The following L3MBTL4 variants were observed in gnomAD, a reference collection of about 807,000 sequenced individuals.
L3MBTL4 encodes lethal(3)malignant brain tumor-like protein 4.
A neutral mutation model predicts 84.5 loss-of-function variants in L3MBTL4; 70 were observed. That is an observed-to-expected ratio of 0.83 (90% CI 0.68 to 1.01). The LOEUF (loss-of-function observed/expected upper bound fraction) is 1.01, where lower values mean the gene tolerates loss of function less well. Ranked by LOEUF, L3MBTL4 falls within the 50% of genes least tolerant of loss-of-function variation. The pLI is 0.00. For missense variants in L3MBTL4, 715 were observed against 754.8 expected (o/e 0.95, Z 0.62); for synonymous variants, 274 against 259.8 (o/e 1.05, Z -0.52).
intron 1 of L3MBTL4, among the ~76,000 whole-genome samples, chr18:6,338,393 GTTATAC>G (rs1379402878): frequency 6.6e-6 from 1 of 152,000 alleles, no homozygotes; most frequent in Non-Finnish European, 1.5e-5. Context: ...TGGGTCCTGA[GTTATAC>G]TTATGTCTAG....
chr18:6,083,828 A>C (rs1400777823), intron 15 of L3MBTL4, among the ~76,000 whole-genome samples: 1 of 152,188 alleles, frequency 6.6e-6, no homozygotes, highest in Admixed American at 6.5e-5. Flanking sequence ...TATGACCTAA[A>C]GGCAAAAGCT....
At chr18:6,113,555 T>C (rs543252674) in intron 14 of L3MBTL4, among the ~76,000 whole-genome samples, 20 of 151,024 alleles carry the variant, frequency 1.3e-4, no homozygotes, top group Admixed American at 9.2e-4. Flanking sequence ...AAAGATTACA[T>C]AGAATGATGT....
rs2095226199 is a variant in L3MBTL4 at position 5,956,258 on chromosome 18, C to T, written c.1807G>A (p.Glu603Lys). Residue 603 changes from glutamate (E) to lysine (K), a missense_variant, in exon 19 of 19, where the codon GAA becomes AAA. By Grantham distance (56) the Glu-to-Lys change is moderately conservative. Coordinates refer to ENST00000317931, the MANE Select transcript of L3MBTL4 (RefSeq NM_001330559.2). ...LMFRHSQELP[E>K]EDIASGQEVR... is the part of the protein sequence containing the mutation. ...TCTTGGCCTGAGGCAATATCTTCTTCAGGGAGTTCCTGGGAATGCCTGAAC... is the reference window on the plus strand; with the variant it reads ...TCTTGGCCTGAGGCAATATCTTCTTTAGGGAGTTCCTGGGAATGCCTGAAC... 1.2e-6 allele frequency: 2 copies of T among 1,614,012 alleles called. No individual in the cohort carries two copies. The highest frequency in any genetic ancestry group is 1.7e-5 in the Admixed American group (1 of 60,002).
intron 12 of L3MBTL4, among the ~76,000 whole-genome samples, chr18:6,178,563 T>A (rs1350466853): frequency 6.6e-6 from 1 of 152,218 alleles, no homozygotes; most frequent in Non-Finnish European, 1.5e-5. Context: ...TTCACATATC[T>A]GGGTTTGCAT....
intron 16 of L3MBTL4, among the ~76,000 whole-genome samples, chr18:6,044,605 C>T (rs1266974411): frequency 1.3e-5 from 2 of 151,970 alleles, no homozygotes; most frequent in Admixed American, 6.6e-5. Context: ...ACTCTCTGCA[C>T]TGCAGTTTCT....
At chr18:6,033,556 A>G in intron 16 of L3MBTL4, among the ~76,000 whole-genome samples, 1 of 152,308 alleles carries the variant, frequency 6.6e-6, no homozygotes, top group African/African-American at 2.4e-5. Flanking sequence ...TATTACATGT[A>G]ATTACGATTA....
intron 17 of L3MBTL4, among the ~76,000 whole-genome samples, chr18:5,968,031 G>A (rs371270301): frequency 7.2e-5 from 11 of 152,370 alleles, no homozygotes; most frequent in African/African-American, 2.4e-4. Flanking sequence ...AGGGGGCCAT[G>A]AGCCCAGTGA....
intron 12 of L3MBTL4, among the ~76,000 whole-genome samples, chr18:6,180,526 T>G (rs563503876): frequency 6.6e-6 from 1 of 152,202 alleles, no homozygotes; most frequent in Non-Finnish European, 1.5e-5. Flanking sequence ...TCCACAAATA[T>G]AGTTGCTTCC....
chr18:6,203,347 A>C (rs757806706), intron 12 of L3MBTL4, among the ~76,000 whole-genome samples: 10 of 152,204 alleles, frequency 6.6e-5, no homozygotes, highest in Non-Finnish European at 1.2e-4. Context: ...ATAGAGCCTC[A>C]CATTCCAGCC....
intron 14 of L3MBTL4, among the ~76,000 whole-genome samples, chr18:6,098,704 A>C (rs2058718592): frequency 6.6e-6 from 1 of 152,022 alleles, no homozygotes; most frequent in South Asian, 2.1e-4. Flanking sequence ...AATGCAACTA[A>C]CTCACCCCTC....
intron 1 of L3MBTL4, among the ~76,000 whole-genome samples, chr18:6,394,579 C>T (rs1179946526): frequency 6.6e-6 from 1 of 152,068 alleles, no homozygotes; most frequent in Admixed American, 6.5e-5. Context: ...TCACAAAGGA[C>T]CTTCACCTGT....
chr18:6,131,998 A>G (rs2059892883), intron 14 of L3MBTL4, among the ~76,000 whole-genome samples: 1 of 152,164 alleles, frequency 6.6e-6, no homozygotes, highest in Admixed American at 6.5e-5. Context: ...TGATTATATG[A>G]TTAAAACAAG....
chr18:6,258,072 G>A (rs1369221923), intron 5 of L3MBTL4, among the ~76,000 whole-genome samples: 2 of 152,214 alleles, frequency 1.3e-5, no homozygotes, highest in African/African-American at 4.8e-5. Context: ...GGAGGCTGGA[G>A]AGAAGGGACA....
In L3MBTL4 at chr18:6,035,473, A is replaced by G. The variant is rs879667206; in HGVS notation, c.1444+45408T>C. On this transcript the variant is annotated intron_variant, in intron 16 of 18. Transcript: ENST00000317931. ...CAGATAGTTGTAGATATGCGGCGTT[A>G]TTTCTGAGGGCTCTGTTCTGTTCCA... Among the ~76,000 whole-genome samples, 693 of 151,146 alleles carry G rather than the reference A, an allele frequency of 4.6e-3. 4 individuals are homozygous for G. The highest frequency in any genetic ancestry group is 6.7e-3 in the Non-Finnish European group (449 of 67,502).
chr18:6,018,258 C>T lies in L3MBTL4; in HGVS notation c.1445-48696G>A, dbSNP rs145662703. 2.2e-4 allele frequency among the ~76,000 whole-genome samples: 34 copies of T among 152,276 alleles called. No individual in the cohort carries two copies. In the East Asian group the frequency reaches 5.8e-3, roughly 26 times the overall value. ...CACCCCAAGGACAGTGACTCCCAACCATACCTGTTTATCCAAATCACCCCT... is the reference window on the plus strand; with the variant it reads ...CACCCCAAGGACAGTGACTCCCAACTATACCTGTTTATCCAAATCACCCCT... On this transcript the variant is annotated intron_variant, in intron 16 of 18. Coordinates refer to ENST00000317931, the MANE Select transcript of L3MBTL4 (RefSeq NM_001330559.2).
At chr18:6,116,562 C>T (rs2059367807) in intron 14 of L3MBTL4, among the ~76,000 whole-genome samples, 2 of 151,888 alleles carry the variant, frequency 1.3e-5, no homozygotes, top group South Asian at 2.1e-4. Flanking sequence ...CAGGGTTTTG[C>T]CCTGTTGGTC....
chr18:6,011,881 G>T (rs1231161873), intron 16 of L3MBTL4, among the ~76,000 whole-genome samples: 3 of 152,132 alleles, frequency 2.0e-5, no homozygotes, highest in Non-Finnish European at 4.4e-5. Flanking sequence ...ATTGTTAAAG[G>T]GATATTTTTA....
At chr18:6,089,934 T>G (rs576932425) in intron 15 of L3MBTL4, among the ~76,000 whole-genome samples, 1 of 152,298 alleles carries the variant, frequency 6.6e-6, no homozygotes, top group South Asian at 2.1e-4. Flanking sequence ...ATGGCAATAT[T>G]ATGATGAGAA....
chr18:6,006,683 A>G (rs1268655717), intron 16 of L3MBTL4, among the ~76,000 whole-genome samples: 1 of 152,226 alleles, frequency 6.6e-6, no homozygotes, highest in African/African-American at 2.4e-5. Flanking sequence ...CTTCACTCCT[A>G]CAACTGATCT....
Sources: allele counts gnomAD v4.1 joint callset (sites outside exome capture counted in the v4.1 genomes callset), GRCh38; gene constraint gnomAD v4.1.1; transcripts MANE v1.5; gene names NCBI Gene and HGNC (gene_info 2026-07-23, HGNC 2026-07-21).